Variants in MITF observed in about 807,000 individuals in gnomAD.
MITF encodes melanocyte inducing transcription factor.
Under a neutral mutation model 60.5 loss-of-function variants are expected in MITF, and 17 were observed. That is an observed-to-expected ratio of 0.28 (90% CI 0.19 to 0.42). The LOEUF (loss-of-function observed/expected upper bound fraction) is 0.42. Ranked by LOEUF, MITF falls within the 10% of genes least tolerant of loss-of-function variation. The pLI is 1.00. For synonymous variants in MITF, 260 were observed against 248.5 expected, an observed-to-expected ratio of 1.05 and a Z score of -0.43; for missense variants, 622 against 683.5, an observed-to-expected ratio of 0.91 and a Z score of 1.00.
intron 1 of MITF, among the ~76,000 whole-genome samples, chr3:69,858,115 T>A (rs951248706): frequency 6.6e-6 from 1 of 152,136 alleles, no homozygotes; most frequent in East Asian, 1.9e-4. Flanking sequence ...TATTATTTCA[T>A]GGTAATATTC....
At chr3:69,806,272 A>G (rs758554501) in intron 1 of MITF, among the ~76,000 whole-genome samples, 2 of 151,944 alleles carry the variant, frequency 1.3e-5, no homozygotes, top group African/African-American at 2.4e-5. Flanking sequence ...TTTTTGGTAG[A>G]GACAGGGTTT....
Position 69,968,172 on chromosome 3 carries a change from C to T in MITF, c.*2924C>T, listed in dbSNP as rs151043552. ...AAAAATGACAAATGACTGTCTCTTG[C>T]GGATGCTTGGTACTGTAATGTTAAT... On this transcript the variant is annotated 3_prime_UTR_variant, in exon 10 of 10. Transcript: ENST00000352241. The T allele has an allele frequency of 2.0e-3, 476 of 232,848 alleles. 1 individual carries two copies. The highest frequency in any genetic ancestry group is 3.0e-3 in the Non-Finnish European group (357 of 117,560). 14.4% of individuals were successfully genotyped at this position (232,848 alleles called of 1,614,324 possible).
At chr3:69,957,929 C>T (rs79726748) in intron 8 of MITF, among the ~76,000 whole-genome samples, 4,798 of 152,264 alleles carry the variant, frequency 0.032, 152 homozygotes, top group African/African-American at 0.08. Context: ...GAGACACAGT[C>T]TTACAGACTG....
intron 2 of MITF, among the ~76,000 whole-genome samples, chr3:69,933,179 G>A (rs2107464962): frequency 6.6e-6 from 1 of 151,968 alleles, no homozygotes; most frequent in South Asian, 2.1e-4. Flanking sequence ...AACATAGCAA[G>A]ACCCTTATCT....
chr3:69,749,076 T>G (rs976255039), intron 1 of MITF, among the ~76,000 whole-genome samples: 3 of 152,186 alleles, frequency 2.0e-5, no homozygotes, highest in African/African-American at 7.2e-5. Flanking sequence ...TGAAATTTGG[T>G]GAAAGGAAAT....
At chr3:69,796,494 C>T (rs868030973) in intron 1 of MITF, among the ~76,000 whole-genome samples, 23 of 80,276 alleles carry the variant, frequency 2.9e-4, no homozygotes, top group Non-Finnish European at 3.9e-4. Context: ...CACCGTCTTT[C>T]TTTTTTTTTT....
intron 1 of MITF, among the ~76,000 whole-genome samples, chr3:69,852,501 A>G (rs2063842086): frequency 6.6e-6 from 1 of 152,240 alleles, no homozygotes; most frequent in Non-Finnish European, 1.5e-5. Flanking sequence ...ATGTAGCAGT[A>G]GTTCATTCTC....
intron 1 of MITF, among the ~76,000 whole-genome samples, chr3:69,829,092 G>A (rs966347135): frequency 5.9e-5 from 9 of 152,082 alleles, no homozygotes; most frequent in South Asian, 4.2e-4. Flanking sequence ...TAGAGCAATC[G>A]GAAAGAGTAG....
chr3:69,754,704 G>T (rs1704063619), intron 1 of MITF, among the ~76,000 whole-genome samples: 1 of 151,848 alleles, frequency 6.6e-6, no homozygotes, highest in African/African-American at 2.4e-5. Flanking sequence ...TAATACAGAG[G>T]CTAAAAGAGG....
intron 1 of MITF, among the ~76,000 whole-genome samples, chr3:69,745,948 T>C (rs1359482077): frequency 1.3e-5 from 2 of 152,236 alleles, no homozygotes; most frequent in African/African-American, 4.8e-5. Context: ...CCTCCTTTTC[T>C]AGTAGAATTT....
At chr3:69,919,830 G>A (rs1416756546) in intron 2 of MITF, among the ~76,000 whole-genome samples, 1 of 151,318 alleles carries the variant, frequency 6.6e-6, no homozygotes. Context: ...TTTTTTTGTT[G>A]CTGTTTTTTG....
rs531855225 is a variant in MITF at position 69,957,580 on chromosome 3, T to C, written c.1031+1050T>C. ...TCAGTTCTGCAGCACAAATTTATCCTACTAAAGGGCTGTGACCTTCATTTC... is the reference window on the plus strand; with the variant it reads ...TCAGTTCTGCAGCACAAATTTATCCCACTAAAGGGCTGTGACCTTCATTTC... On this transcript the variant is annotated intron_variant, in intron 8 of 9. Coordinates refer to ENST00000352241, the MANE Select transcript of MITF (RefSeq NM_001354604.2). Among the ~76,000 whole-genome samples the C allele has an allele frequency of 4.6e-5, 7 of 152,338 alleles. No homozygotes were observed. The East Asian group carries it at 1.3e-3, about 29-fold the overall frequency.
rs188840723 is a variant in MITF, at chr3:69,923,479, G to A, written c.355-14343G>A. On this transcript the variant is annotated intron_variant, in intron 2 of 9. Transcript: ENST00000352241. Reference sequence around the variant, plus strand: ...CCTGCCTCAGCCTCCTGAGTAGCTGGGACTGCAGGCACACACCACCACACC... The same window carrying A: ...CCTGCCTCAGCCTCCTGAGTAGCTGAGACTGCAGGCACACACCACCACACC... Among the ~76,000 whole-genome samples, 141 of 152,230 alleles carry A rather than the reference G, an allele frequency of 9.3e-4. 2 individuals are homozygous for A. The highest frequency in any genetic ancestry group is 3.2e-3 in the African/African-American group (132 of 41,558).
chr3:69,766,024 G>A lies in MITF; in HGVS notation c.104+26323G>A, dbSNP rs527831835. On this transcript the variant is annotated intron_variant, in intron 1 of 9. Transcript: ENST00000352241. ...ATTTGTTGAATTGTTTGGGCTATGAGTTATCTTTTTAAAAAGAGGTTTTAT... is the reference window on the plus strand; with the variant it reads ...ATTTGTTGAATTGTTTGGGCTATGAATTATCTTTTTAAAAAGAGGTTTTAT... Among the ~76,000 whole-genome samples the A allele has an allele frequency of 1.1e-4, 16 of 152,276 alleles. No individual in the cohort carries two copies. In the South Asian group the frequency reaches 3.1e-3, roughly 30 times the overall value.
At chr3:69,950,294 CAA>C (rs2066209644) in intron 6 of MITF, among the ~76,000 whole-genome samples, 1 of 150,980 alleles carries the variant, frequency 6.6e-6, no homozygotes, top group Non-Finnish European at 1.5e-5. Context: ...AGTCCTGTCT[CAA>C]AACAAAGCAA....
intron 2 of MITF, among the ~76,000 whole-genome samples, chr3:69,934,530 A>G (rs2065789694): frequency 6.6e-6 from 1 of 152,216 alleles, no homozygotes; most frequent in African/African-American, 2.4e-5. Context: ...TTAATGCAGA[A>G]AACACACATA....
At chr3:69,806,664 A>G (rs1230370327) in intron 1 of MITF, among the ~76,000 whole-genome samples, 1 of 152,198 alleles carries the variant, frequency 6.6e-6, no homozygotes, top group Non-Finnish European at 1.5e-5. Context: ...GGTTTGCAGC[A>G]ATTTATGAGG....
chr3:69,755,871 C>T (rs1704127113), intron 1 of MITF, among the ~76,000 whole-genome samples: 1 of 152,186 alleles, frequency 6.6e-6, no homozygotes, highest in South Asian at 2.1e-4. Context: ...ACTGCTGCTC[C>T]TCCTCCTGTA....
At chr3:69,743,249 G>A (rs368881586) in intron 1 of MITF, among the ~76,000 whole-genome samples, 1 of 152,172 alleles carries the variant, frequency 6.6e-6, no homozygotes, top group East Asian at 1.9e-4. Context: ...GGTAGGCAAA[G>A]TACCCTCATT....
Sources: gnomAD v4.1 joint callset for allele counts (sites outside exome capture counted in the v4.1 genomes callset) on GRCh38, gnomAD v4.1.1 for gene constraint, MANE v1.5 for transcripts, NCBI Gene and HGNC (gene_info 2026-07-23, HGNC 2026-07-21) for gene names.